The following DCDC1 variants were observed in gnomAD, a reference collection of about 807,000 sequenced individuals.
The protein encoded by DCDC1 is doublecortin domain-containing protein 1.
In DCDC1, 200 loss-of-function variants were observed where a neutral mutation model predicts 178.3. The ratio of observed to expected loss-of-function variants is 1.12; its 90% CI spans 1.00 to 1.26. The LOEUF (loss-of-function observed/expected upper bound fraction) is 1.26, where lower values mean the gene tolerates loss of function less well. Among genes scored for constraint, DCDC1 ranks in the 50% most tolerant of loss-of-function variants. DCDC1 has a pLI of 0.00. For missense variants in DCDC1, 1,983 were observed against 1,749.2 expected, an observed-to-expected ratio of 1.13 and a Z score of -2.38; for synonymous variants, 690 against 604.8, an observed-to-expected ratio of 1.14 and a Z score of -2.07.
At chr11:31,228,754 T>C (rs1975349626) in intron 9 of DCDC1, among the ~76,000 whole-genome samples, 1 of 152,130 alleles carries the variant, frequency 6.6e-6, no homozygotes, top group Non-Finnish European at 1.5e-5. Flanking sequence ...ATAAATATTA[T>C]AAACATCTTT....
chr11:31,207,468 G>A (rs1352959331), intron 9 of DCDC1, among the ~76,000 whole-genome samples: 4 of 152,096 alleles, frequency 2.6e-5, no homozygotes, highest in Non-Finnish European at 5.9e-5. Context: ...AGCTAAAACA[G>A]GTAACCAAAT....
intron 9 of DCDC1, among the ~76,000 whole-genome samples, chr11:31,201,129 C>G (rs1392453085): frequency 6.6e-6 from 1 of 151,940 alleles, no homozygotes; most frequent in Non-Finnish European, 1.5e-5. Flanking sequence ...TATCTGTGAA[C>G]TTAGAGGGTA....
intron 1 of DCDC1, among the ~76,000 whole-genome samples, chr11:31,337,805 C>A (rs1275343997): frequency 6.6e-6 from 1 of 152,114 alleles, no homozygotes; most frequent in Non-Finnish European, 1.5e-5. Context: ...GAATAAAAAA[C>A]CAGTACTCAG....
intron 12 of DCDC1, among the ~76,000 whole-genome samples, 189 bp from the exon 13 acceptor site, chr11:31,107,149 G>A (rs555909640): frequency 3.3e-5 from 5 of 152,312 alleles, no homozygotes; most frequent in African/African-American, 1.2e-4. Flanking sequence ...AACAAAATGA[G>A]CATGGGCTTT....
intron 9 of DCDC1, among the ~76,000 whole-genome samples, chr11:31,190,653 G>C (rs1970029378): frequency 6.6e-6 from 1 of 152,076 alleles, no homozygotes; most frequent in African/African-American, 2.4e-5. Context: ...CCCACTAACA[G>C]TGTGTAGAAA....
intron 9 of DCDC1, among the ~76,000 whole-genome samples, chr11:31,233,642 A>G (rs1166839432): frequency 2.6e-5 from 4 of 152,208 alleles, no homozygotes; most frequent in Admixed American, 6.5e-5. Flanking sequence ...GGTGGTTGGA[A>G]GGCAAACAGA....
intron 34 of DCDC1, among the ~76,000 whole-genome samples, chr11:30,896,414 G>C (rs145770921): frequency 3.9e-5 from 6 of 152,118 alleles, no homozygotes; most frequent in Admixed American, 2.0e-4. Flanking sequence ...TTGGCCCATT[G>C]TTTCTCTTAG....
chr11:31,222,592 G>A (rs1223916429), intron 9 of DCDC1, among the ~76,000 whole-genome samples: 2 of 152,156 alleles, frequency 1.3e-5, no homozygotes, highest in Non-Finnish European at 2.9e-5. Context: ...CATAGGCTGG[G>A]TGATTTAAAC....
intron 9 of DCDC1, among the ~76,000 whole-genome samples, chr11:31,216,348 T>C (rs1454891933): frequency 6.6e-6 from 1 of 152,132 alleles, no homozygotes; most frequent in Non-Finnish European, 1.5e-5. Context: ...TGAGGTAAAT[T>C]TATGCTGTAA....
rs562924443 is a variant in DCDC1 at position 31,276,765 on chromosome 11, C to T, written c.961-11165G>A. Among the ~76,000 whole-genome samples, 12 of 152,058 alleles carry T rather than the reference C, an allele frequency of 7.9e-5. No individual in the cohort carries two copies. In the East Asian group the frequency reaches 2.3e-3, roughly 29 times the overall value. On this transcript the variant is annotated intron_variant, in intron 7 of 38. Transcript: ENST00000684477. ...TAAAGGTAAGTGAAAGAATGTACAC[C>T]AAATCTAGTTATTTGCTTGCACTAG... is the stretch of plus-strand genomic sequence containing the variant.
rs1345838219 is a variant in DCDC1 at position 30,905,048 on chromosome 11, T to C, written c.4221A>G (p.Thr1407=). The C allele has an allele frequency of 1.9e-6, 3 of 1,613,758 alleles. No homozygotes were observed. Among genetic ancestry groups the C allele is most frequent in the East Asian group, 4.5e-5 (2 of 44,888 alleles). Residue 1407 remains threonine, a synonymous_variant, in exon 31 of 39, where the codon ACA becomes ACG. Coordinates refer to ENST00000684477, the MANE Select transcript of DCDC1 (RefSeq NM_001387274.1). ...CAATTATTTTCACTGCCTTCTGGTG[T>C]GTGGCTGCCATGCCACTGTGAGATG... ...QAASHSGMAA[T]HQKAVKIIAY...
At chr11:31,005,774 T>C (rs1430322996) in intron 20 of DCDC1, among the ~76,000 whole-genome samples, 1 of 152,012 alleles carries the variant, frequency 6.6e-6, no homozygotes, top group Non-Finnish European at 1.5e-5. Flanking sequence ...GGCTCCTTGA[T>C]ATAAATACCT....
intron 12 of DCDC1, among the ~76,000 whole-genome samples, chr11:31,109,741 A>G (rs1337314900): frequency 1.3e-5 from 2 of 152,186 alleles, no homozygotes; most frequent in Non-Finnish European, 2.9e-5. Flanking sequence ...TATGCAAGAC[A>G]AAGACCCAAA....
chr11:31,202,633 A>G (rs1177087504), intron 9 of DCDC1, among the ~76,000 whole-genome samples: 1 of 152,212 alleles, frequency 6.6e-6, no homozygotes, highest in Non-Finnish European at 1.5e-5. Flanking sequence ...CTTCAAATTT[A>G]TAACAGTAAG....
At position 31,290,889 on chromosome 11, in the gene DCDC1, C is replaced by T. The variant is rs756500358; in HGVS notation, c.755-37G>A. On this transcript the variant is annotated intron_variant, in intron 6 of 38. Coordinates refer to ENST00000684477, the MANE Select transcript of DCDC1 (RefSeq NM_001387274.1). Reference sequence around the variant, plus strand: ...TTTTTTAAGTCAAGTCAATATTTGGCTTCAAAATTAAAAATGGACACATCA... The same window carrying T: ...TTTTTTAAGTCAAGTCAATATTTGGTTTCAAAATTAAAAATGGACACATCA... 8.2e-6 allele frequency: 13 copies of T among 1,586,220 alleles called. No individual in the cohort carries two copies. The South Asian group carries it at 1.4e-4, about 17-fold the overall frequency.
At chr11:30,880,093 C>A (rs1942511992) in intron 37 of DCDC1, among the ~76,000 whole-genome samples, 1 of 152,076 alleles carries the variant, frequency 6.6e-6, no homozygotes, top group South Asian at 2.1e-4. Flanking sequence ...AACCTACAAA[C>A]TGGGGATACA....
chr11:30,899,841 G>A (rs1944531424), intron 33 of DCDC1, among the ~76,000 whole-genome samples, 199 bp from the exon 34 acceptor site: 1 of 152,040 alleles, frequency 6.6e-6, no homozygotes, highest in Non-Finnish European at 1.5e-5. Flanking sequence ...GTAAAAAAAA[G>A]AAGAACGATG....
chr11:31,108,104 G>A (rs1025971836), intron 12 of DCDC1, among the ~76,000 whole-genome samples: 3 of 152,160 alleles, frequency 2.0e-5, no homozygotes, highest in African/African-American at 7.2e-5. Flanking sequence ...TCTTGACTGA[G>A]CAAATATTTC....
At chr11:31,281,933 C>A (rs920688579) in intron 7 of DCDC1, among the ~76,000 whole-genome samples, 2 of 152,120 alleles carry the variant, frequency 1.3e-5, no homozygotes, top group African/African-American at 4.8e-5. Flanking sequence ...CAGACTAATA[C>A]ACCAACTTTG....
Sources: allele counts gnomAD v4.1 joint callset (sites outside exome capture counted in the v4.1 genomes callset), GRCh38; gene constraint gnomAD v4.1.1; transcripts MANE v1.5; gene names NCBI Gene and HGNC (gene_info 2026-07-23, HGNC 2026-07-21).